SCARA3: variants seen among roughly 807,000 people sequenced by gnomAD.
SCARA3 encodes the protein scavenger receptor class A member 3, also known as cellular stress response gene protein.
A neutral mutation model predicts 47.0 loss-of-function variants in SCARA3; 39 were observed. The observed-to-expected ratio is 0.83, with a 90% CI of 0.64 to 1.08. SCARA3 has a LOEUF of 1.08. Ranked by LOEUF, SCARA3 falls within the 50% of genes least tolerant of loss-of-function variation. The probability of loss-of-function intolerance (pLI) is 0.00; values close to 1 mark genes in which losing one functional copy is unlikely to be tolerated. For missense variants in SCARA3, 724 were observed against 792.3 expected (o/e 0.91, Z 1.04); for synonymous variants, 356 against 334.1 (o/e 1.07, Z -0.71).
At chr8:27,729,656 T>G in the SCARA3 span, among the ~76,000 whole-genome samples, 1 of 151,688 alleles carries the variant, frequency 6.6e-6, no homozygotes, top group Admixed American at 6.6e-5. Flanking sequence ...CCAGACGTGT[T>G]GGTGGGCGCC....
chr8:27,633,501 G>GA (rs1355463382), upstream of SCARA3, among the ~76,000 whole-genome samples: 2 of 152,176 alleles, frequency 1.3e-5, no homozygotes, highest in Non-Finnish European at 2.9e-5. Context: ...AGATGGGCGA[G>GA]AAAAACGTGC....
intron 1 of SCARA3, among the ~76,000 whole-genome samples, chr8:27,639,239 G>A (rs1308407942): frequency 2.0e-5 from 3 of 152,188 alleles, no homozygotes; most frequent in Non-Finnish European, 4.4e-5. Flanking sequence ...TAGTTGGAAG[G>A]CAAGCCTGGG....
rs1364456264 is a variant in SCARA3 at position 27,649,774 on chromosome 8, T to C, written c.80T>C (p.Met27Thr). The C allele has an allele frequency of 1.9e-6, 3 of 1,614,120 alleles. No homozygotes were observed. The highest frequency in any genetic ancestry group is 2.5e-6 in the Non-Finnish European group (3 of 1,179,994). ...EEDLAGDDED[M>T]PTFPCTQKGR... ...GACCTGGCGGGTGACGACGAGGACA[T>C]GCCGACCTTCCCATGCACCCAGAAG... The change falls in exon 2 of 6, where the codon ATG becomes ACG. Residue 27 changes from methionine (M) to threonine (T), a missense_variant. Transcript: ENST00000301904.
chr8:27,643,318 C>T (rs536145694), intron 1 of SCARA3, among the ~76,000 whole-genome samples: 1 of 152,248 alleles, frequency 6.6e-6, no homozygotes, highest in South Asian at 2.1e-4. Context: ...TAGCAGGAAC[C>T]GGGAGGGAAG....
chr8:27,723,794 G>A, the SCARA3 span, among the ~76,000 whole-genome samples: 3 of 152,184 alleles, frequency 2.0e-5, no homozygotes, highest in East Asian at 1.9e-4. Flanking sequence ...GGAGTGCAAC[G>A]GTGCGATCTC....
In SCARA3 at chr8:27,633,945, T is replaced by G. The variant is rs1403163078; in HGVS notation, c.-256T>G. On this transcript the variant is annotated 5_prime_UTR_variant, in exon 1 of 6. The change abolishes an upstream ATG in the 5' untranslated region. Coordinates refer to ENST00000301904, the MANE Select transcript of SCARA3 (RefSeq NM_016240.3). The stretch of plus-strand genomic sequence containing the variant: ...GCGGGAAGCGCGGGCGGCGGCGGGA[T>G]GCGCGCTCTGGGCGGCGGGGCGCGG... 5.9e-6 allele frequency: 1 copy of G among 170,244 alleles called. No homozygotes were observed. Among genetic ancestry groups the G allele is most frequent in the Non-Finnish European group, 1.2e-5 (1 of 81,188 alleles). The allele number at this position is 170,244 out of a possible 1,614,324, so 10.5% of individuals were successfully genotyped here. A position where few individuals can be genotyped will look rare whatever the true frequency, so the allele number is the denominator to read the frequency against.
At chr8:27,723,541 A>G in the SCARA3 span, among the ~76,000 whole-genome samples, 433 of 152,262 alleles carry the variant, frequency 2.8e-3, 7 homozygotes, top group African/African-American at 9.9e-3. Context: ...CTGGAAGCCA[A>G]TCATTAAGAG....
the SCARA3 span, among the ~76,000 whole-genome samples, chr8:27,681,850 C>G: frequency 3.3e-5 from 5 of 152,120 alleles, no homozygotes; most frequent in East Asian, 9.6e-4. Flanking sequence ...CCAAATTGAT[C>G]TATAGTCAAT....
At chr8:27,711,411 GTCC>G in the SCARA3 span, among the ~76,000 whole-genome samples, 3 of 152,086 alleles carry the variant, frequency 2.0e-5, no homozygotes, top group Non-Finnish European at 4.4e-5. Flanking sequence ...TCCCATCTTT[GTCC>G]TCCTCAAGTT....
intron 5 of SCARA3, among the ~76,000 whole-genome samples, chr8:27,661,502 G>A (rs1170516167): frequency 6.6e-6 from 1 of 152,146 alleles, no homozygotes; most frequent in Non-Finnish European, 1.5e-5. Context: ...AATAAGAGAA[G>A]ACAGAAAACA....
intron 1 of SCARA3, among the ~76,000 whole-genome samples, chr8:27,639,006 G>A (rs759207391): frequency 6.6e-5 from 10 of 152,078 alleles, no homozygotes; most frequent in Non-Finnish European, 1.2e-4. Context: ...CAAATCTGAC[G>A]GCACCAGATT....
rs869278331 is a variant in SCARA3 at position 27,646,966 on chromosome 8, G to GCC, written c.8-2732_8-2731dup. ...AAAGCACTTGCCCGCACCCCTGACC[G>GCC]CCCCCGCCCCCCCCCCGCACACACA... On this transcript the variant is annotated intron_variant, in intron 1 of 5. Transcript: ENST00000301904. 4.0e-4 allele frequency among the ~76,000 whole-genome samples: 12 copies of GCC among 29,852 alleles called. 1 individual carries two copies. Among genetic ancestry groups the GCC allele is most frequent in the Non-Finnish European group, 5.3e-4 (9 of 16,988 alleles). The allele number at this position is 29,852 out of a possible 152,430, so 19.6% of individuals were successfully genotyped here. A position where few individuals can be genotyped will look rare whatever the true frequency, so the allele number is the denominator to read the frequency against.
intron 1 of SCARA3, among the ~76,000 whole-genome samples, chr8:27,645,402 G>A (rs1457025450): frequency 6.6e-6 from 1 of 152,252 alleles, no homozygotes; most frequent in East Asian, 1.9e-4. Flanking sequence ...CTGACCACAG[G>A]GATGTAGCAA....
chr8:27,727,997 C>G, the SCARA3 span, among the ~76,000 whole-genome samples: 2 of 152,104 alleles, frequency 1.3e-5, no homozygotes, highest in Non-Finnish European at 2.9e-5. Context: ...GGCGATGGGC[C>G]GGGGGTGGAC....
the SCARA3 span, among the ~76,000 whole-genome samples, chr8:27,691,111 T>A: frequency 6.6e-6 from 1 of 152,248 alleles, no homozygotes; most frequent in Non-Finnish European, 1.5e-5. Context: ...TTTCCCTGTA[T>A]ACTCTTCTGC....
chr8:27,698,664 T>C, the SCARA3 span, among the ~76,000 whole-genome samples: 4 of 152,286 alleles, frequency 2.6e-5, no homozygotes, highest in South Asian at 8.3e-4. Flanking sequence ...TTTACCAATA[T>C]CATAATATAG....
At chr8:27,651,409 A>C (rs1354405981) in intron 2 of SCARA3, 99 bp from the exon 3 acceptor site, 1 of 1,416,282 alleles carries the variant, frequency 7.1e-7, no homozygotes, top group Non-Finnish European at 9.5e-7. Context: ...GCCTGGTTTG[A>C]ATGTGATGAG....
chr8:27,706,881 G>C, the SCARA3 span, among the ~76,000 whole-genome samples: 1 of 152,198 alleles, frequency 6.6e-6, no homozygotes, highest in African/African-American at 2.4e-5. Flanking sequence ...AGCTCAGAAC[G>C]TGAAGGCACC....
At chr8:27,645,260 CT>C (rs1405918714) in intron 1 of SCARA3, among the ~76,000 whole-genome samples, 1 of 152,242 alleles carries the variant, frequency 6.6e-6, no homozygotes, top group Non-Finnish European at 1.5e-5. Flanking sequence ...TACACATGAG[CT>C]CCTGATTAAA....
Sources: allele counts gnomAD v4.1 joint callset (sites outside exome capture counted in the v4.1 genomes callset), GRCh38; gene constraint gnomAD v4.1.1; transcripts MANE v1.5; gene names NCBI Gene and HGNC (gene_info 2026-07-23, HGNC 2026-07-21).